The following PDE3B variants were observed in gnomAD, a reference collection of about 807,000 sequenced individuals.
PDE3B encodes the protein cGMP-inhibited 3',5'-cyclic phosphodiesterase 3B.
Under a neutral mutation model 116.8 loss-of-function variants are expected in PDE3B, and 66 were observed. The observed-to-expected ratio is 0.56, with a 90% CI of 0.46 to 0.69. The LOEUF (loss-of-function observed/expected upper bound fraction) is 0.69. Ranked by LOEUF, PDE3B falls within the 30% of genes least tolerant of loss-of-function variation. The pLI, the probability that PDE3B is intolerant of heterozygous loss-of-function variation, is 0.00. For missense variants in PDE3B, 1,384 were observed against 1,368.1 expected, an observed-to-expected ratio of 1.01 and a Z score of -0.18; for synonymous variants, 595 against 533.6, an observed-to-expected ratio of 1.12 and a Z score of -1.59.
intron 1 of PDE3B, among the ~76,000 whole-genome samples, chr11:14,757,817 A>G (rs1857239859): frequency 6.7e-6 from 1 of 149,986 alleles, no homozygotes; most frequent in Admixed American, 6.7e-5. Context: ...ATTAGATCCC[A>G]TTTGTCAATT....
chr11:14,857,413 T>C (rs1389514101), intron 12 of PDE3B, among the ~76,000 whole-genome samples: 3 of 152,200 alleles, frequency 2.0e-5, no homozygotes, highest in African/African-American at 7.2e-5. Context: ...GCATTGACAT[T>C]TGCTTCCTAC....
At chr11:14,673,770 T>C (rs1835636374) in intron 1 of PDE3B, 1 of 782,590 alleles carries the variant, frequency 1.3e-6, no homozygotes, top group Non-Finnish European at 2.4e-6. Context: ...TCTCAGGAGA[T>C]GTGGCACTCC....
At chr11:14,662,427 C>T (rs893727522) in intron 1 of PDE3B, among the ~76,000 whole-genome samples, 3 of 152,178 alleles carry the variant, frequency 2.0e-5, no homozygotes, top group Admixed American at 2.0e-4. Flanking sequence ...GAACTCAGCT[C>T]CTCACTAGCA....
chr11:14,662,056 C>A (rs933132745), intron 1 of PDE3B, among the ~76,000 whole-genome samples: 1 of 152,138 alleles, frequency 6.6e-6, no homozygotes, highest in Admixed American at 6.5e-5. Flanking sequence ...GGAGGCACCC[C>A]CAAGTAGGGG....
chr11:14,859,351 TAAC>T, intron 13 of PDE3B, 105 bp downstream of exon 13: 1 of 669,572 alleles, frequency 1.5e-6, no homozygotes, highest in Non-Finnish European at 2.5e-6. Flanking sequence ...ACTTAGGAAG[TAAC>T]AATAAATAGT....
intron 3 of PDE3B, 29 bp from the exon 4 acceptor site, chr11:14,789,077 T>A (rs1858304887): frequency 1.9e-6 from 3 of 1,561,276 alleles, no homozygotes; most frequent in Non-Finnish European, 2.6e-6. Flanking sequence ...AAGAGTGACA[T>A]TTTAAACCAT....
intron 1 of PDE3B, among the ~76,000 whole-genome samples, chr11:14,648,446 A>G (rs1410095931): frequency 6.6e-6 from 1 of 152,124 alleles, no homozygotes; most frequent in Non-Finnish European, 1.5e-5. Flanking sequence ...GCAAGGCATA[A>G]TTCCCTGTTA....
rs369209287 is a variant in PDE3B, at chr11:14,859,164, G to A, written c.2642G>A (p.Arg881His). 5.0e-6 allele frequency: 8 copies of A among 1,613,364 alleles called. No homozygotes were observed. The highest frequency in any genetic ancestry group is 5.9e-6 in the Non-Finnish European group (7 of 1,179,702). ...CATCTTGATCATGTGGAATTCAAGC[G>A]CTTTCGTTTTTTAGTCATTGAAGCA... ...LLHLDHVEFK[R>H]FRFLVIEAIL... Residue 881 changes from arginine to histidine, a missense_variant, in exon 13 of 16, where the codon CGC (arginine) becomes CAC (histidine). This residue lies in a region of PDE3B where 428 missense variants were observed against 561.4 expected (regional missense o/e 0.76). Coordinates refer to ENST00000282096, the MANE Select transcript of PDE3B (RefSeq NM_000922.4).
At chr11:14,861,947 A>C (rs1244346236) in intron 14 of PDE3B, among the ~76,000 whole-genome samples, 3 of 152,122 alleles carry the variant, frequency 2.0e-5, no homozygotes, top group Non-Finnish European at 4.4e-5. Flanking sequence ...AGCACTTGGG[A>C]GGGGCCACAT....
At chr11:14,663,080 G>C (rs1853990075) in intron 1 of PDE3B, among the ~76,000 whole-genome samples, 1 of 152,092 alleles carries the variant, frequency 6.6e-6, no homozygotes, top group South Asian at 2.1e-4. Flanking sequence ...TACCCACAAA[G>C]GGAAGCCCAT....
At chr11:14,858,267 A>G (rs1482836739) in intron 12 of PDE3B, among the ~76,000 whole-genome samples, 1 of 5,410 alleles carries the variant, frequency 1.8e-4, no homozygotes, top group Admixed American at 4.1e-3. Flanking sequence ...ACTTGGCTGT[A>G]GAAGTTTTTT....
At chr11:14,832,959 T>C in intron 10 of PDE3B, 126 bp downstream of exon 10, 1 of 517,434 alleles carries the variant, frequency 1.9e-6, no homozygotes, top group Non-Finnish European at 3.5e-6. Flanking sequence ...TTCTTTTTTT[T>C]TTTTCTTGAG....
chr11:14,765,518 G>A (rs889267976), intron 1 of PDE3B, among the ~76,000 whole-genome samples: 1 of 151,764 alleles, frequency 6.6e-6, no homozygotes, highest in African/African-American at 2.4e-5. Flanking sequence ...GCAGTCTTGG[G>A]TACACCTAGA....
chr11:14,767,014 G>A (rs879721163), intron 1 of PDE3B, among the ~76,000 whole-genome samples: 1 of 151,504 alleles, frequency 6.6e-6, no homozygotes, highest in Non-Finnish European at 1.5e-5. Context: ...TTTATCGTTT[G>A]TGTGGCTGAG....
chr11:14,757,939 C>T (rs1026921554), intron 1 of PDE3B, among the ~76,000 whole-genome samples: 1 of 150,796 alleles, frequency 6.6e-6, no homozygotes, highest in Non-Finnish European at 1.5e-5. Context: ...GGTTTTAGGT[C>T]TAACGTTTAA....
At chr11:14,798,106 T>C (rs1379059289) in intron 4 of PDE3B, among the ~76,000 whole-genome samples, 4 of 152,246 alleles carry the variant, frequency 2.6e-5, no homozygotes, top group South Asian at 2.1e-4. Flanking sequence ...ATACATTCCA[T>C]TGATACCTAG....
chr11:14,721,152 C>T (rs1379655500), intron 1 of PDE3B, among the ~76,000 whole-genome samples: 26 of 151,692 alleles, frequency 1.7e-4, no homozygotes, highest in Admixed American at 1.5e-3. Flanking sequence ...GACATTTATG[C>T]AGCCAAAAAA....
chr11:14,788,490 T>C (rs977301480), intron 3 of PDE3B, among the ~76,000 whole-genome samples: 17 of 151,982 alleles, frequency 1.1e-4, no homozygotes, highest in Non-Finnish European at 1.9e-4. Flanking sequence ...AGGAAATTCA[T>C]AAGAAGCAGA....
intron 1 of PDE3B, among the ~76,000 whole-genome samples, chr11:14,745,120 A>T (rs1856877220): frequency 6.6e-6 from 1 of 152,158 alleles, no homozygotes; most frequent in Admixed American, 6.5e-5. Flanking sequence ...CCACTGCACC[A>T]GCCGAAGGTA....
Sources: allele counts gnomAD v4.1 joint callset (sites outside exome capture counted in the v4.1 genomes callset), GRCh38; gene constraint gnomAD v4.1.1; regional missense constraint gnomAD v4.1.1; transcripts MANE v1.5; gene names NCBI Gene and HGNC (gene_info 2026-07-23, HGNC 2026-07-21).